KHK: variants seen among roughly 807,000 people sequenced by gnomAD.
The protein encoded by KHK is ketohexokinase, also known as fructokinase.
A neutral mutation model predicts 36.0 loss-of-function variants in KHK; 37 were observed. That is an observed-to-expected ratio of 1.03 (90% CI 0.79 to 1.35). The LOEUF (loss-of-function observed/expected upper bound fraction) is 1.35, where lower values mean the gene tolerates loss of function less well. Ranked by LOEUF, KHK falls within the 40% of genes most tolerant of loss-of-function variation. The pLI is 0.00. For synonymous variants in KHK, 161 were observed against 162.8 expected (o/e 0.99, Z 0.08); for missense variants, 395 against 391.9 (o/e 1.01, Z -0.07).
chr2:27,094,579 C>G, intron 2 of KHK: 1 of 1,614,154 alleles, frequency 6.2e-7, no homozygotes, highest in Non-Finnish European at 8.5e-7. Context: ...TCAACGAGGC[C>G]AGTGGTAGCC....
At chr2:27,098,788 A>G (rs1670575876) in intron 5 of KHK, 1 of 212,350 alleles carries the variant, frequency 4.7e-6, no homozygotes, top group South Asian at 6.8e-5. Flanking sequence ...ATTCCACCCC[A>G]AGGTGGCGCT....
chr2:27,099,556 G>A lies in KHK; in HGVS notation c.790G>A (p.Val264Ile), dbSNP rs114353144. Residue 264 changes from valine to isoleucine, a missense_variant, in exon 7 of 8, where the codon GTC becomes ATC. Coordinates refer to ENST00000260598, the MANE Select transcript of KHK (RefSeq NM_006488.3). ...LGAGDTFNAS[V>I]IFSLSQGRSV... is the part of the protein sequence containing the mutation. ...AGCTGGAGACACCTTCAATGCCTCCGTCATCTTCAGCCTCTCCCAGGGTGA... is the reference window on the plus strand; with the variant it reads ...AGCTGGAGACACCTTCAATGCCTCCATCATCTTCAGCCTCTCCCAGGGTGA... The A allele has an allele frequency of 1.7e-3, 2,675 of 1,614,144 alleles. 5 individuals carry two copies. The highest frequency in any genetic ancestry group is 3.1e-3 in the Admixed American group (188 of 60,020).
At position 27,086,971 on chromosome 2, in the gene KHK, G is replaced by A; in HGVS notation, c.-289G>A. Reference sequence around the variant, plus strand: ...AGGAAACTAAGGCTGAGAAGTGGGAGGCGTTGCCATCTGCAGGCCCAGGCA... The same window carrying A: ...AGGAAACTAAGGCTGAGAAGTGGGAAGCGTTGCCATCTGCAGGCCCAGGCA... On this transcript the variant is annotated 5_prime_UTR_variant, in exon 1 of 8. Coordinates refer to ENST00000260598, the MANE Select transcript of KHK (RefSeq NM_006488.3). 2.7e-6 allele frequency: 1 copy of A among 374,086 alleles called. No individual in the cohort carries two copies. Among genetic ancestry groups the A allele is most frequent in the Admixed American group, 4.1e-5 (1 of 24,262 alleles). 23.2% of individuals were successfully genotyped at this position (374,086 alleles called of 1,614,324 possible). A position where few individuals can be genotyped will look rare whatever the true frequency, so the allele number is the denominator to read the frequency against.
In KHK at chr2:27,099,499, T is replaced by C. The variant is rs1159314704; in HGVS notation, c.733T>C (p.Phe245Leu). The change falls in exon 7 of 8, where the codon TTC becomes CTC. Residue 245 changes from phenylalanine to leucine, a missense_variant. Coordinates refer to ENST00000260598, the MANE Select transcript of KHK (RefSeq NM_006488.3). ...TGGCAAATTGCTCCACTCGGATGCTTTCCCGCCACCCCGCGTGGTGGATAC... is the reference window on the plus strand; with the variant it reads ...TGGCAAATTGCTCCACTCGGATGCTCTCCCGCCACCCCGCGTGGTGGATAC... ...PDGKLLHSDA[F>L]PPPRVVDTLG... 6.2e-7 allele frequency: 1 copy of C among 1,614,114 alleles called. No individual in the cohort carries two copies. Among genetic ancestry groups the C allele is most frequent in the Non-Finnish European group, 8.5e-7 (1 of 1,180,008 alleles).
chr2:27,092,740 TC>T (rs955797396), intron 2 of KHK, among the ~76,000 whole-genome samples: 17 of 152,322 alleles, frequency 1.1e-4, no homozygotes, highest in Non-Finnish European at 2.5e-4. Flanking sequence ...TCCTGCAGAC[TC>T]TGCGGTGGAT....
At chr2:27,092,469 C>G in intron 2 of KHK, 21 bp downstream of exon 2, 1 of 1,560,846 alleles carries the variant, frequency 6.4e-7, no homozygotes, top group Non-Finnish European at 8.8e-7. Context: ...GAGGGAGAGC[C>G]CACTGGGGAA....
rs1326507063 is a variant in KHK, at chr2:27,086,982, C to T, written c.-278C>T. 2 of 391,638 alleles carry T rather than the reference C, an allele frequency of 5.1e-6. No homozygotes were observed. Among genetic ancestry groups the T allele is most frequent in the Non-Finnish European group, 9.3e-6 (2 of 214,460 alleles). 24.3% of individuals were successfully genotyped at this position (391,638 alleles called of 1,614,324 possible). A position where few individuals can be genotyped will look rare whatever the true frequency, so the allele number is the denominator to read the frequency against. ...GCTGAGAAGTGGGAGGCGTTGCCAT[C>T]TGCAGGCCCAGGCAACCTGCTACGG... On this transcript the variant is annotated 5_prime_UTR_variant, in exon 1 of 8. Transcript: ENST00000260598.
In KHK at chr2:27,099,983, A is replaced by G. The variant is rs1299400073; in HGVS notation, c.*233A>G. On this transcript the variant is annotated 3_prime_UTR_variant, in exon 8 of 8. Transcript: ENST00000260598. ...TCCTCAGAGCCAGCTTCTCCTCTCA[A>G]TGTCTGAACTGCTCTGGCTGGGCAT... 5 of 833,896 alleles carry G rather than the reference A, an allele frequency of 6.0e-6. No individual in the cohort carries two copies. Among genetic ancestry groups the G allele is most frequent in the Non-Finnish European group, 3.8e-6 (2 of 524,028 alleles). 51.7% of individuals were successfully genotyped at this position (833,896 alleles called of 1,614,324 possible). A position where few individuals can be genotyped will look rare whatever the true frequency, so the allele number is the denominator to read the frequency against.
Position 27,087,354 on chromosome 2 carries a change from AG to A in KHK, c.92+7del. On this transcript the variant is annotated splice_donor_region_variant and intron_variant, in intron 1 of 7. Transcript: ENST00000260598. The stretch of plus-strand genomic sequence containing the variant: ...CCTAAGGAGGACTCGGAGATAAGGT[AG>A]GGGCGCCCAGGTCCCCTAGGGGACC... 1.3e-6 allele frequency: 2 copies of A among 1,576,508 alleles called. No homozygotes were observed. Among genetic ancestry groups the A allele is most frequent in the Non-Finnish European group, 1.7e-6 (2 of 1,160,046 alleles).
intron 2 of KHK, among the ~76,000 whole-genome samples, chr2:27,093,249 T>C (rs1311836176): frequency 6.6e-6 from 1 of 152,134 alleles, no homozygotes; most frequent in Non-Finnish European, 1.5e-5. Context: ...CCTGCCTTGA[T>C]GAACTGGCAG....
chr2:27,088,079 T>C (rs1305234175), intron 1 of KHK: 1 of 150,522 alleles, frequency 6.6e-6, no homozygotes, highest in Non-Finnish European at 1.5e-5. Flanking sequence ...TGCTAGAAAC[T>C]GAAGAGTCAG....
In KHK at chr2:27,099,802, C is replaced by T. The variant is rs747976594; in HGVS notation, c.*52C>T. On this transcript the variant is annotated 3_prime_UTR_variant, in exon 8 of 8. Transcript: ENST00000260598. ...ATGGAGACTACCATTGCGGCTGCAT[C>T]GCCTTCTCCCCTCCATCCAGCCTGG... 1.7e-5 allele frequency: 27 copies of T among 1,593,368 alleles called. No individual in the cohort carries two copies. Among genetic ancestry groups the T allele is most frequent in the African/African-American group, 2.7e-5 (2 of 74,290 alleles).
intron 3 of KHK, 39 bp from the exon 4 acceptor site, chr2:27,096,690 A>G: frequency 6.4e-7 from 1 of 1,556,980 alleles, no homozygotes; most frequent in South Asian, 1.1e-5. Flanking sequence ...TGACCCCATC[A>G]TGCTCCTTCT....
rs1670605293 is a variant in KHK, at chr2:27,099,096, A to T, written c.565-100A>T. On this transcript the variant is annotated intron_variant, in intron 5 of 7. Coordinates refer to ENST00000260598, the MANE Select transcript of KHK (RefSeq NM_006488.3). ...GATGCTACGTTGGGGATCTATGTGG[A>T]CATGTTGGGGGAGTCGTGTTGTAAT... 2.8e-5 allele frequency: 28 copies of T among 987,884 alleles called. 1 individual carries two copies. The South Asian group carries it at 3.2e-4, about 11-fold the overall frequency. The allele number at this position is 987,884 out of a possible 1,614,324, so 61.2% of individuals were successfully genotyped here. A position where few individuals can be genotyped will look rare whatever the true frequency, so the allele number is the denominator to read the frequency against.
intron 4 of KHK, among the ~76,000 whole-genome samples, chr2:27,097,082 G>A (rs1670402416): frequency 6.6e-6 from 1 of 152,204 alleles, no homozygotes; most frequent in South Asian, 2.1e-4. Context: ...CTCCAACTCT[G>A]CCTCTGGCGG....
At chr2:27,094,670 CAG>C (rs1318969996) in intron 2 of KHK, 128 bp from the exon 3 acceptor site, 15 of 1,613,528 alleles carry the variant, frequency 9.3e-6, no homozygotes, top group African/African-American at 1.3e-5. Context: ...ACTCCCAGAA[CAG>C]GACTCTTCTT....
At chr2:27,096,686 C>T (rs1437515825) in intron 3 of KHK, 43 bp from the exon 4 acceptor site, 1 of 1,519,272 alleles carries the variant, frequency 6.6e-7, no homozygotes, top group Non-Finnish European at 9.1e-7. Context: ...TGCCTGACCC[C>T]ATCATGCTCC....
intron 4 of KHK, among the ~76,000 whole-genome samples, chr2:27,097,091 G>A (rs974745084): frequency 7.2e-5 from 11 of 152,136 alleles, no homozygotes; most frequent in African/African-American, 1.9e-4. Context: ...TGCCTCTGGC[G>A]GATGTCTGAC....
In KHK at chr2:27,099,682, G is replaced by GCACTGAGATT; in HGVS notation, c.831_840dup (p.Gly281ThrfsTer18). ...TCCTCCAGGGAGGAGCGTGCAGGAA[G>GCACTGAGATT]CACTGAGATTCGGGTGCCAGGTGGC... On this transcript the variant is annotated frameshift_variant, in exon 8 of 8. Coordinates refer to ENST00000260598, the MANE Select transcript of KHK (RefSeq NM_006488.3). LOFTEE classifies it high-confidence loss of function. 6.2e-7 allele frequency: 1 copy of GCACTGAGATT among 1,614,186 alleles called. No homozygotes were observed. The highest frequency in any genetic ancestry group is 8.5e-7 in the Non-Finnish European group (1 of 1,180,034).
Sources: allele counts gnomAD v4.1 joint callset (sites outside exome capture counted in the v4.1 genomes callset), GRCh38; gene constraint gnomAD v4.1.1; transcripts MANE v1.5; gene names NCBI Gene and HGNC (gene_info 2026-07-23, HGNC 2026-07-21).